SHPRH: variants seen among roughly 807,000 people sequenced by gnomAD.
SHPRH encodes SNF2 histone linker PHD RING helicase.
SHPRH carries 106 observed loss-of-function variants against 202.5 expected under a neutral mutation model. The ratio of observed to expected loss-of-function variants is 0.52; its 90% CI spans 0.45 to 0.62. The LOEUF (loss-of-function observed/expected upper bound fraction) is 0.62, where lower values mean the gene tolerates loss of function less well. Ranked by LOEUF, SHPRH falls within the 20% of genes least tolerant of loss-of-function variation. SHPRH has a pLI of 0.00. For synonymous variants in SHPRH, 729 were observed against 686.0 expected (o/e 1.06, Z -0.98); for missense variants, 1,710 against 2,020.0 (o/e 0.85, Z 2.94).
intron 3 of SHPRH, among the ~76,000 whole-genome samples, chr6:145,950,764 A>T (rs963277879): frequency 1.3e-5 from 2 of 152,072 alleles, no homozygotes; most frequent in African/African-American, 4.8e-5. Context: ...ATTGTAATCT[A>T]TCTGGTACTG....
chr6:145,912,506 T>G (rs1783585660), intron 24 of SHPRH, among the ~76,000 whole-genome samples: 1 of 152,114 alleles, frequency 6.6e-6, no homozygotes, highest in African/African-American at 2.4e-5. Context: ...AAATACTACT[T>G]TATGTCATGA....
downstream of SHPRH, among the ~76,000 whole-genome samples, chr6:145,861,458 G>A (rs1779578346): frequency 6.6e-6 from 1 of 151,826 alleles, no homozygotes; most frequent in African/African-American, 2.4e-5. Flanking sequence ...AAGTGTTGGT[G>A]AGAATGTAGA....
At chr6:145,883,200 T>C (rs1213300496), downstream of SHPRH, 1 of 152,218 alleles carries the variant, frequency 6.6e-6, no homozygotes, top group East Asian at 1.9e-4. Context: ...ATTTCTATTT[T>C]GCAGGAAAAG....
intron 25 of SHPRH, chr6:145,908,302 A>G (rs1293851455): frequency 6.6e-6 from 1 of 152,132 alleles, no homozygotes; most frequent in East Asian, 1.9e-4. Context: ...GCTGGGTCCT[A>G]TGGGATTTCT....
chr6:145,952,331 G>C lies in SHPRH; in HGVS notation c.763+18C>G, dbSNP rs1306987592. ...ACTCCTAAGTAATAGCAATTTTTAA[G>C]TTTACTGTAAATATTACCTGGAATA... On this transcript the variant is annotated intron_variant, in intron 3 of 29. Transcript: ENST00000275233. 2 of 1,570,756 alleles carry C rather than the reference G, an allele frequency of 1.3e-6. No individual in the cohort carries two copies. Among genetic ancestry groups the C allele is most frequent in the Non-Finnish European group, 1.7e-6 (2 of 1,157,564 alleles).
chr6:145,933,290 G>T, intron 13 of SHPRH, 112 bp from the exon 14 acceptor site: 1 of 1,465,318 alleles, frequency 6.8e-7, no homozygotes, highest in Non-Finnish European at 9.2e-7. Context: ...AGTTTTTGTG[G>T]TATCTCTAGC....
chr6:145,905,140 T>C (rs144284944), intron 25 of SHPRH: 29 of 152,278 alleles, frequency 1.9e-4, no homozygotes, highest in African/African-American at 6.5e-4. Flanking sequence ...TGTACTGTGA[T>C]GCATGCTGTC....
At chr6:145,927,776 C>T (rs1785020008) in intron 14 of SHPRH, among the ~76,000 whole-genome samples, 1 of 151,886 alleles carries the variant, frequency 6.6e-6, no homozygotes, top group South Asian at 2.1e-4. Context: ...TATTATTGTT[C>T]TTGGTATTAG....
intron 14 of SHPRH, 61 bp from the exon 15 acceptor site, chr6:145,927,338 C>A: frequency 1.4e-6 from 2 of 1,379,412 alleles, no homozygotes. Flanking sequence ...CCAATGTCAT[C>A]TAGTTGTCCA....
At chr6:145,934,826 G>T in intron 13 of SHPRH, 81 bp downstream of exon 13, 2 of 1,353,628 alleles carry the variant, frequency 1.5e-6, no homozygotes, top group Non-Finnish European at 2.0e-6. Context: ...TCAGTTACAT[G>T]TCTCTGAATG....
intron 14 of SHPRH, 97 bp downstream of exon 14, chr6:145,932,958 GAA>G: frequency 4.6e-6 from 6 of 1,304,012 alleles, no homozygotes; most frequent in Non-Finnish European, 6.2e-6. Flanking sequence ...CTTTTTGGGG[GAA>G]AAATCCCCCC....
At chr6:145,866,517 G>A (rs1025719316) in intron 2 of SHPRH, among the ~76,000 whole-genome samples, 6 of 152,066 alleles carry the variant, frequency 3.9e-5, no homozygotes, top group Non-Finnish European at 5.9e-5. Context: ...GCACATCAAA[G>A]TGCTCTTTAT....
Position 145,934,978 on chromosome 6 carries a change from T to C in SHPRH, c.2919A>G (p.Pro973=), listed in dbSNP as rs763210287. 7.4e-6 allele frequency: 12 copies of C among 1,613,844 alleles called. No individual in the cohort carries two copies. Among genetic ancestry groups the C allele is most frequent in the Admixed American group, 3.3e-5 (2 of 59,996 alleles). ...AGCAGGCCTGTCTGAGCCTCAGCAA[T>C]GGATACAGGATAGAGGTGACAGTCC... ...DRRTVTSILY[P]LLRLRQACCH... is the part of the protein sequence containing the mutation. The change falls in exon 13 of 30, where the codon CCA becomes CCG. Residue 973 remains proline, a synonymous_variant. Transcript: ENST00000275233.
intron 2 of SHPRH, chr6:145,877,072 C>T: frequency 6.6e-6 from 1 of 152,116 alleles, no homozygotes; most frequent in East Asian, 1.9e-4. Flanking sequence ...AGGTAAATAC[C>T]TAGGAGTAGA....
intron 19 of SHPRH, 139 bp from the exon 20 acceptor site, chr6:145,922,487 T>C (rs1173680043): frequency 1.6e-6 from 2 of 1,233,646 alleles, no homozygotes; most frequent in Non-Finnish European, 1.1e-6. Context: ...ACATGGTTTT[T>C]CATACCTTGT....
At chr6:145,919,265 C>A in intron 22 of SHPRH, 83 bp downstream of exon 22, 1 of 1,550,712 alleles carries the variant, frequency 6.4e-7, no homozygotes, top group Admixed American at 1.8e-5. Context: ...AGCTCAGTGC[C>A]CTGATTCTGC....
chr6:145,939,762 T>C (rs1786539694), intron 11 of SHPRH, among the ~76,000 whole-genome samples: 1 of 152,150 alleles, frequency 6.6e-6, no homozygotes, highest in Non-Finnish European at 1.5e-5. Context: ...AATATTTAAA[T>C]ATATACTAGA....
At chr6:145,887,913 G>T (rs1456797585) in intron 29 of SHPRH, 107 bp downstream of exon 29, 6 of 829,774 alleles carry the variant, frequency 7.2e-6, no homozygotes, top group Non-Finnish European at 1.2e-5. Flanking sequence ...TTTTAAAAAC[G>T]TATTTGTGCT....
chr6:145,894,640 T>C (rs1196805784), intron 26 of SHPRH, among the ~76,000 whole-genome samples: 1 of 152,012 alleles, frequency 6.6e-6, no homozygotes, highest in East Asian at 1.9e-4. Context: ...TTTAAAAATA[T>C]TAAACTAAGA....
Sources: allele counts gnomAD v4.1 joint callset (sites outside exome capture counted in the v4.1 genomes callset), GRCh38; gene constraint gnomAD v4.1.1; transcripts MANE v1.5; gene names NCBI Gene and HGNC (gene_info 2026-07-23, HGNC 2026-07-21).